Variants in RANBP17 observed in about 807,000 individuals in gnomAD.
RANBP17 encodes the protein RAN binding protein 17.
In RANBP17, 158 loss-of-function variants were observed where a neutral mutation model predicts 141.2. That is an observed-to-expected ratio of 1.12 (90% CI 0.98 to 1.28). The LOEUF (loss-of-function observed/expected upper bound fraction) is 1.28. Among genes scored for constraint, RANBP17 ranks in the 50% most tolerant of loss-of-function variants. RANBP17 has a pLI of 0.00. For missense variants in RANBP17, 1,438 were observed against 1,290.7 expected, an observed-to-expected ratio of 1.11 and a Z score of -1.75; for synonymous variants, 430 against 450.0, an observed-to-expected ratio of 0.96 and a Z score of 0.56.
intron 14 of RANBP17, among the ~76,000 whole-genome samples, chr5:170,990,768 T>C (rs1778451628): frequency 6.6e-6 from 1 of 151,860 alleles, no homozygotes; most frequent in Non-Finnish European, 1.5e-5. Context: ...GATGAAGAAA[T>C]TGATATAAAG....
At position 170,919,609 on chromosome 5, in the gene RANBP17, G is replaced by A. The variant is rs766365499; in HGVS notation, c.1270G>A (p.Val424Met). The A allele has an allele frequency of 2.0e-4, 316 of 1,564,918 alleles. No individual in the cohort carries two copies. The highest frequency in any genetic ancestry group is 2.6e-4 in the Non-Finnish European group (304 of 1,163,080). Reference protein sequence around the residue: ...TSRLDSVAIVVRDHLDDPLDD... With the variant: ...TSRLDSVAIVMRDHLDDPLDD... Reference sequence around the variant, plus strand: ...TCGGTTGGACTCTGTTGCCATAGTTGTGAGGTATTCAAAAACTAAATGTTT... The same window carrying A: ...TCGGTTGGACTCTGTTGCCATAGTTATGAGGTATTCAAAAACTAAATGTTT... Residue 424 changes from valine (V) to methionine (M), a missense_variant, in exon 11 of 28, where the codon GTG (valine) becomes ATG (methionine). Transcript: ENST00000523189.
intron 14 of RANBP17, chr5:170,968,700 G>A (rs1220094746): frequency 4.3e-6 from 2 of 464,244 alleles, no homozygotes; most frequent in South Asian, 1.6e-5. Context: ...TTTTTTAGTA[G>A]TTCCAGGGTT....
intron 25 of RANBP17, among the ~76,000 whole-genome samples, chr5:171,287,517 A>ATTAAG (rs1358900400): frequency 2.0e-5 from 3 of 150,818 alleles, no homozygotes; most frequent in Non-Finnish European, 4.4e-5. Context: ...TGATTAACAG[A>ATTAAG]TTAAGTTATC....
chr5:171,120,670 A>G (rs1030526654), intron 14 of RANBP17, among the ~76,000 whole-genome samples: 2 of 152,292 alleles, frequency 1.3e-5, no homozygotes, highest in African/African-American at 4.8e-5. Flanking sequence ...GAGTTTTCTT[A>G]GGAATATTGC....
chr5:171,199,774 G>A lies in RANBP17; in HGVS notation c.2142+1G>A. On this transcript the variant is annotated splice_donor_variant, in intron 19 of 27. Transcript: ENST00000523189. LOFTEE classifies it high-confidence loss of function. ...CAACTTTAAACAAGAAGATGTAAAGGTGGGTTTGTTTCCAAATATGAGGAA... is the reference window on the plus strand; with the variant it reads ...CAACTTTAAACAAGAAGATGTAAAGATGGGTTTGTTTCCAAATATGAGGAA... 2 of 1,571,160 alleles carry A rather than the reference G, an allele frequency of 1.3e-6. No individual in the cohort carries two copies. Among genetic ancestry groups the A allele is most frequent in the Admixed American group, 1.7e-5 (1 of 58,002 alleles).
intron 24 of RANBP17, among the ~76,000 whole-genome samples, chr5:171,265,260 T>C (rs1367449501): frequency 5.9e-5 from 9 of 152,204 alleles, no homozygotes; most frequent in Admixed American, 6.5e-5. Context: ...CCTGGCTGGA[T>C]ACGGTGGCTC....
chr5:171,213,807 CT>C (rs1561770166), intron 21 of RANBP17, 69 bp downstream of exon 21: 2 of 1,223,172 alleles, frequency 1.6e-6, no homozygotes, highest in Non-Finnish European at 2.4e-6. Context: ...GTCAGACTTT[CT>C]TTTTTGGTTT....
At chr5:171,201,963 AAT>A in intron 19 of RANBP17, among the ~76,000 whole-genome samples, 1 of 152,192 alleles carries the variant, frequency 6.6e-6, no homozygotes, top group South Asian at 2.1e-4. Context: ...ATGCTGTTAA[AAT>A]ATCTCTATGA....
chr5:171,095,139 G>A (rs1003499111), intron 14 of RANBP17, among the ~76,000 whole-genome samples: 1 of 152,158 alleles, frequency 6.6e-6, no homozygotes, highest in African/African-American at 2.4e-5. Context: ...TAACTAGTCT[G>A]TGATATTCTG....
intron 14 of RANBP17, among the ~76,000 whole-genome samples, chr5:171,130,223 C>T (rs191341668): frequency 1.3e-5 from 2 of 152,220 alleles, no homozygotes; most frequent in Admixed American, 6.5e-5. Flanking sequence ...CCTCCCCCAT[C>T]ACTAACCACC....
At chr5:171,285,281 C>T (rs1307496754) in intron 25 of RANBP17, among the ~76,000 whole-genome samples, 1 of 152,214 alleles carries the variant, frequency 6.6e-6, no homozygotes, top group East Asian at 1.9e-4. Context: ...CTTAAGCTTG[C>T]ACACATTGTT....
rs1003398089 is a variant in RANBP17, at chr5:171,020,672, G to A, written c.1710+52295G>A. Among the ~76,000 whole-genome samples the A allele has an allele frequency of 3.3e-5, 5 of 150,820 alleles. No homozygotes were observed. In the East Asian group the frequency reaches 9.7e-4, roughly 29 times the overall value. The stretch of plus-strand genomic sequence containing the variant: ...TTATCTTGAGCCTATGTGTGTCTTT[G>A]CATGTGAGACGGGTCTCCTGAATAC... On this transcript the variant is annotated intron_variant, in intron 14 of 27. Transcript: ENST00000523189.
chr5:170,964,862 G>A (rs1421031469), intron 13 of RANBP17, among the ~76,000 whole-genome samples: 3 of 152,128 alleles, frequency 2.0e-5, no homozygotes, highest in Admixed American at 6.5e-5. Flanking sequence ...AAACATACGT[G>A]TGCATGTGTC....
intron 24 of RANBP17, among the ~76,000 whole-genome samples, chr5:171,265,206 A>T (rs1269364729): frequency 6.6e-6 from 1 of 152,218 alleles, no homozygotes. Flanking sequence ...CTAGGCCAGG[A>T]CCTATAATAG....
intron 14 of RANBP17, among the ~76,000 whole-genome samples, chr5:170,999,184 A>G (rs957222990): frequency 6.6e-6 from 1 of 152,228 alleles, no homozygotes; most frequent in East Asian, 1.9e-4. Flanking sequence ...AGTAGAGCCT[A>G]TATCAGTGTT....
At chr5:171,224,492 A>G (rs1763775715) in intron 22 of RANBP17, among the ~76,000 whole-genome samples, 1 of 152,244 alleles carries the variant, frequency 6.6e-6, no homozygotes. Context: ...AAGTGACACC[A>G]AAAGGATTCT....
At position 170,915,848 on chromosome 5, in the gene RANBP17, C is replaced by A. The variant is rs547747343; in HGVS notation, c.835-617C>A. 3.6e-4 allele frequency among the ~76,000 whole-genome samples: 55 copies of A among 151,930 alleles called. 1 individual carries two copies. The South Asian group carries it at 0.011, about 30-fold the overall frequency. ...TTTCTTTTTGGTAGAAAACCTGATT[C>A]ATTAGAAAATGGAACTAGATATCAT... On this transcript the variant is annotated intron_variant, in intron 8 of 27. Coordinates refer to ENST00000523189, the MANE Select transcript of RANBP17 (RefSeq NM_022897.5).
chr5:171,289,669 G>A lies in RANBP17; in HGVS notation c.2944-4214G>A, dbSNP rs140490125. Among the ~76,000 whole-genome samples the A allele has an allele frequency of 7.7e-3, 1,173 of 152,204 alleles. 15 individuals carry two copies. The highest frequency in any genetic ancestry group is 0.027 in the African/African-American group (1,117 of 41,510). ...TGGAGTTGCTTGAGACCAGGAGTTC[G>A]AGGCTGCAGTGAGCCATGATCACAC... On this transcript the variant is annotated intron_variant, in intron 25 of 27. Coordinates refer to ENST00000523189, the MANE Select transcript of RANBP17 (RefSeq NM_022897.5).
chr5:171,060,118 A>G (rs1375263627), intron 14 of RANBP17, among the ~76,000 whole-genome samples: 3 of 80,298 alleles, frequency 3.7e-5, no homozygotes, highest in Admixed American at 1.6e-4. Context: ...AAACAGGGAC[A>G]ATTTGACTTC....
Sources: allele counts gnomAD v4.1 joint callset (sites outside exome capture counted in the v4.1 genomes callset), GRCh38; gene constraint gnomAD v4.1.1; transcripts MANE v1.5; gene names NCBI Gene and HGNC (gene_info 2026-07-23, HGNC 2026-07-21).